Variants in UBA6 observed in about 807,000 individuals in gnomAD.
UBA6 encodes ubiquitin like modifier activating enzyme 6.
Under a neutral mutation model 148.3 loss-of-function variants are expected in UBA6, and 87 were observed. The observed-to-expected ratio is 0.59, with a 90% CI of 0.49 to 0.70. The LOEUF (loss-of-function observed/expected upper bound fraction) is 0.70, where lower values mean the gene tolerates loss of function less well. Ranked by LOEUF, UBA6 falls within the 30% of genes least tolerant of loss-of-function variation. UBA6 has a pLI of 0.00. For synonymous variants in UBA6, 376 were observed against 401.0 expected (o/e 0.94, Z 0.75); for missense variants, 1,186 against 1,241.2 (o/e 0.96, Z 0.67).
intron 4 of UBA6, 55 bp from the exon 5 acceptor site, chr4:67,678,588 T>C: frequency 1.1e-6 from 1 of 897,092 alleles, no homozygotes; most frequent in Non-Finnish European, 1.8e-6. Flanking sequence ...ATATGCACTC[T>C]CTCCAGTATT....
At chr4:67,668,484 C>G in intron 9 of UBA6, 67 bp downstream of exon 9, 1 of 1,453,196 alleles carries the variant, frequency 6.9e-7, no homozygotes, top group Non-Finnish European at 9.5e-7. Flanking sequence ...CTGTTCCCAA[C>G]ACTTAGTGTC....
chr4:67,634,088 T>G (rs942755517), intron 22 of UBA6, among the ~76,000 whole-genome samples, 154 bp downstream of exon 22: 1 of 152,144 alleles, frequency 6.6e-6, no homozygotes, highest in Admixed American at 6.5e-5. Context: ...AAATGATAAT[T>G]TGTGACCTAA....
chr4:67,649,985 T>C (rs1729514723), intron 13 of UBA6, among the ~76,000 whole-genome samples: 1 of 152,140 alleles, frequency 6.6e-6, no homozygotes, highest in African/African-American at 2.4e-5. Flanking sequence ...AGAGTTTTTA[T>C]TACACTCTCA....
At position 67,673,737 on chromosome 4, in the gene UBA6, T is replaced by G; in HGVS notation, c.506A>C (p.Lys169Thr). 6.2e-7 allele frequency: 1 copy of G among 1,612,396 alleles called. No individual in the cohort carries two copies. Among genetic ancestry groups the G allele is most frequent in the Non-Finnish European group, 8.5e-7 (1 of 1,178,856 alleles). ...CTGAGAACGGCAAAAGTCATTGATC[T>G]TCTTCTGCAATGGAAGTTTCATCTC... The part of the protein sequence containing the change: ...LTEMKLPLQK[K>T]INDFCRSQCP... Residue 169 changes from lysine to threonine, a missense_variant, in exon 7 of 33, where the codon AAG (lysine) becomes ACG (threonine). By Grantham distance (78) the Lys-to-Thr change is moderately conservative (BLOSUM62 -1). Coordinates refer to ENST00000322244, the MANE Select transcript of UBA6 (RefSeq NM_018227.6).
At chr4:67,637,156 C>T (rs1358630537) in intron 19 of UBA6, among the ~76,000 whole-genome samples, 2 of 151,684 alleles carry the variant, frequency 1.3e-5, no homozygotes, top group African/African-American at 2.4e-5. Flanking sequence ...CTCCGCCCGG[C>T]AGCCGCCCCG....
At chr4:67,678,079 T>C (rs1410350064) in intron 5 of UBA6, among the ~76,000 whole-genome samples, 2 of 145,690 alleles carry the variant, frequency 1.4e-5, no homozygotes, top group Non-Finnish European at 3.0e-5. Context: ...CTTTTATATA[T>C]ATAATATATA....
At chr4:67,657,872 A>C (rs1729740455) in intron 13 of UBA6, among the ~76,000 whole-genome samples, 1 of 152,068 alleles carries the variant, frequency 6.6e-6, no homozygotes, top group Admixed American at 6.5e-5. Context: ...ACCCCATCAA[A>C]AAGTGGGCAA....
At chr4:67,688,081 T>C (rs1730613436) in intron 2 of UBA6, among the ~76,000 whole-genome samples, 1 of 152,206 alleles carries the variant, frequency 6.6e-6, no homozygotes, top group Non-Finnish European at 1.5e-5. Context: ...ATAAAAGGTT[T>C]AGATGCTTAA....
In UBA6 at chr4:67,661,787, G is replaced by A. The variant is rs890141393; in HGVS notation, c.1104+402C>T. ...ATGTTTAAATCTAAATCTGATGTACGAAATGTGATAAAGAGATATGAATGT... is the reference window on the plus strand; with the variant it reads ...ATGTTTAAATCTAAATCTGATGTACAAAATGTGATAAAGAGATATGAATGT... On this transcript the variant is annotated intron_variant, in intron 13 of 32. Transcript: ENST00000322244. 20 of 214,380 alleles carry A rather than the reference G, an allele frequency of 9.3e-5. 1 individual carries two copies. The East Asian group carries it at 9.8e-4, about 10-fold the overall frequency. 13.3% of individuals were successfully genotyped at this position (214,380 alleles called of 1,614,324 possible).
chr4:67,631,539 T>C (rs562218858), intron 25 of UBA6, among the ~76,000 whole-genome samples, 169 bp downstream of exon 25: 4 of 152,250 alleles, frequency 2.6e-5, no homozygotes, highest in Non-Finnish European at 5.9e-5. Context: ...GTGGGAAGGG[T>C]TGTGGCTGGC....
chr4:67,645,580 G>C (rs1729403634), intron 16 of UBA6, among the ~76,000 whole-genome samples: 1 of 150,952 alleles, frequency 6.6e-6, no homozygotes, highest in Non-Finnish European at 1.5e-5. Flanking sequence ...CTGAGTGACA[G>C]AGCGAGACTT....
At chr4:67,701,020 C>T (rs749931039) in intron 1 of UBA6, 29 bp downstream of exon 1, 2 of 1,612,812 alleles carry the variant, frequency 1.2e-6, no homozygotes, top group African/African-American at 1.3e-5. Context: ...ACCCGCGACC[C>T]CTCACCTTCG....
intron 2 of UBA6, among the ~76,000 whole-genome samples, chr4:67,693,092 G>A (rs531168530): frequency 9.9e-5 from 15 of 151,898 alleles, no homozygotes; most frequent in African/African-American, 3.4e-4. Flanking sequence ...TACACTGTGT[G>A]TGCCTGCCTC....
intron 13 of UBA6, 173 bp downstream of exon 13, chr4:67,662,016 G>A: frequency 1.8e-6 from 1 of 554,396 alleles, no homozygotes; most frequent in Admixed American, 3.3e-5. Context: ...ACCCTATGAA[G>A]GTAGGTTAAC....
intron 23 of UBA6, 107 bp downstream of exon 23, chr4:67,633,238 G>A (rs1253443215): frequency 9.9e-7 from 1 of 1,008,320 alleles, no homozygotes; most frequent in Non-Finnish European, 1.4e-6. Flanking sequence ...TTTCTGAAAA[G>A]CTTGCCAAAA....
chr4:67,651,591 A>C (rs1274674812), intron 13 of UBA6, among the ~76,000 whole-genome samples: 1 of 152,162 alleles, frequency 6.6e-6, no homozygotes, highest in Non-Finnish European at 1.5e-5. Context: ...CAAGCTTACA[A>C]GTATGAAAAC....
intron 1 of UBA6, among the ~76,000 whole-genome samples, chr4:67,698,476 C>A (rs916324945): frequency 1.3e-5 from 2 of 152,180 alleles, no homozygotes; most frequent in African/African-American, 4.8e-5. Flanking sequence ...AAACAGTGGG[C>A]AAGCACTATT....
At chr4:67,654,174 G>A (rs1053562900) in intron 13 of UBA6, among the ~76,000 whole-genome samples, 3 of 152,076 alleles carry the variant, frequency 2.0e-5, no homozygotes, top group African/African-American at 7.2e-5. Context: ...TCAAATTCAG[G>A]AAATACAGAG....
Position 67,625,034 on chromosome 4 carries a change from A to G in UBA6, c.2672T>C (p.Ile891Thr). Residue 891 changes from isoleucine to threonine, a missense_variant, in exon 29 of 33, where the codon ATA becomes ACA. Transcript: ENST00000322244. ...AGCAGTGGTTGTTGCTATAGCAGGT[A>G]TAATTTTACCAGCTATGCGCTTTGT... ...FKTKRIAGKI[I>T]PAIATTTATV... 1 of 1,611,742 alleles carries G rather than the reference A, an allele frequency of 6.2e-7. No homozygotes were observed. The highest frequency in any genetic ancestry group is 8.5e-7 in the Non-Finnish European group (1 of 1,178,336).
Sources: allele counts gnomAD v4.1 joint callset (sites outside exome capture counted in the v4.1 genomes callset), GRCh38; gene constraint gnomAD v4.1.1; transcripts MANE v1.5; gene names NCBI Gene and HGNC (gene_info 2026-07-23, HGNC 2026-07-21).